The following EPHA6 variants were observed in gnomAD, a reference collection of about 807,000 sequenced individuals.
EPHA6 encodes the protein ephrin type-A receptor 6.
A neutral mutation model predicts 112.0 loss-of-function variants in EPHA6; 50 were observed. That is an observed-to-expected ratio of 0.45 (90% CI 0.36 to 0.56). The LOEUF is 0.56. Among genes scored for constraint, EPHA6 ranks in the 20% least tolerant of loss-of-function variants. EPHA6 has a pLI of 0.00. For missense variants in EPHA6, 1,280 were observed against 1,417.4 expected (o/e 0.90, Z 1.56); for synonymous variants, 529 against 490.7 (o/e 1.08, Z -1.03).
chr3:97,088,010 G>A (rs577248067), intron 3 of EPHA6, among the ~76,000 whole-genome samples: 162 of 151,916 alleles, frequency 1.1e-3, no homozygotes, highest in African/African-American at 3.6e-3. Flanking sequence ...GTAAAACCCC[G>A]TCTCTACTAA....
chr3:97,298,962 A>G (rs1334113945), intron 5 of EPHA6, among the ~76,000 whole-genome samples: 1 of 152,154 alleles, frequency 6.6e-6, no homozygotes, highest in Admixed American at 6.6e-5. Context: ...ACTTGAAAAA[A>G]TCATTGCATT....
chr3:97,635,075 G>C (rs1174384008), intron 13 of EPHA6, among the ~76,000 whole-genome samples: 1 of 151,670 alleles, frequency 6.6e-6, no homozygotes, highest in Admixed American at 6.6e-5. Context: ...TGTACCATTT[G>C]TGCAAATATC....
At chr3:97,085,006 A>C (rs1370587356) in intron 3 of EPHA6, among the ~76,000 whole-genome samples, 1 of 152,180 alleles carries the variant, frequency 6.6e-6, no homozygotes, top group Admixed American at 6.6e-5. Context: ...TACTTTCAGT[A>C]CTTCAAAATT....
intron 14 of EPHA6, among the ~76,000 whole-genome samples, chr3:97,687,811 T>G (rs1484631011): frequency 6.6e-6 from 1 of 152,200 alleles, no homozygotes; most frequent in African/African-American, 2.4e-5. Flanking sequence ...ACTTAAAATG[T>G]CACTTAGGTT....
At chr3:97,344,430 GGA>G (rs1198854231) in intron 5 of EPHA6, among the ~76,000 whole-genome samples, 1 of 152,086 alleles carries the variant, frequency 6.6e-6, no homozygotes, top group Admixed American at 6.6e-5. Flanking sequence ...CCTCCTAATG[GGA>G]TTAGTGCCCT....
At chr3:97,506,996 G>A (rs137893342) in intron 10 of EPHA6, among the ~76,000 whole-genome samples, 5,619 of 152,212 alleles carry the variant, frequency 0.037, 293 homozygotes, top group African/African-American at 0.12. Flanking sequence ...GAATGCTTGT[G>A]ATTTTTGCAC....
intron 11 of EPHA6, among the ~76,000 whole-genome samples, chr3:97,584,189 G>T (rs929082504): frequency 1.3e-5 from 2 of 152,122 alleles, no homozygotes; most frequent in African/African-American, 4.8e-5. Context: ...TTCATATAAA[G>T]ATGATTTTAA....
intron 5 of EPHA6, among the ~76,000 whole-genome samples, chr3:97,332,771 C>T (rs927554640): frequency 6.6e-6 from 1 of 152,112 alleles, no homozygotes; most frequent in Non-Finnish European, 1.5e-5. Flanking sequence ...CACTTAGGCA[C>T]ATCTGTGTGG....
chr3:97,444,275 A>G lies in EPHA6; in HGVS notation c.1732-4293A>G, dbSNP rs180706531. Reference sequence around the variant, plus strand: ...GAGGTGACACCTTTTAGAAATCCCAATAGGCCCAAAGACTTTAGGAGAAAG... The same window carrying G: ...GAGGTGACACCTTTTAGAAATCCCAGTAGGCCCAAAGACTTTAGGAGAAAG... On this transcript the variant is annotated intron_variant, in intron 6 of 17. Transcript: ENST00000389672. Among the ~76,000 whole-genome samples, 377 of 152,246 alleles carry G rather than the reference A, an allele frequency of 2.5e-3. 4 individuals carry two copies. Among genetic ancestry groups the G allele is most frequent in the Admixed American group, 0.012 (177 of 15,280 alleles).
intron 7 of EPHA6, among the ~76,000 whole-genome samples, chr3:97,462,899 C>T (rs955593803): frequency 2.0e-5 from 3 of 152,200 alleles, no homozygotes; most frequent in East Asian, 1.9e-4. Flanking sequence ...ACCTTTGGCA[C>T]GTGCCTCTTT....
intron 3 of EPHA6, among the ~76,000 whole-genome samples, chr3:97,158,747 A>G (rs188491024): frequency 2.0e-5 from 3 of 152,208 alleles, no homozygotes; most frequent in Non-Finnish European, 2.9e-5. Context: ...TGCATTTTAC[A>G]TAAGATAACA....
intron 6 of EPHA6, among the ~76,000 whole-genome samples, chr3:97,405,822 C>A (rs747279702): frequency 3.3e-5 from 5 of 151,952 alleles, no homozygotes; most frequent in Non-Finnish European, 7.4e-5. Context: ...GTTGACAAAT[C>A]CTTATTTATA....
chr3:97,651,532 A>G (rs2094107495), intron 14 of EPHA6, among the ~76,000 whole-genome samples: 1 of 152,074 alleles, frequency 6.6e-6, no homozygotes, highest in African/African-American at 2.4e-5. Context: ...CTTCTAACCT[A>G]AGTGCTAATC....
At chr3:97,273,796 G>T (rs1450054210) in intron 5 of EPHA6, among the ~76,000 whole-genome samples, 1 of 152,154 alleles carries the variant, frequency 6.6e-6, no homozygotes, top group African/African-American at 2.4e-5. Context: ...AAGGAATTAT[G>T]TCTGACAGAA....
At chr3:97,566,830 A>G (rs776093462) in intron 11 of EPHA6, among the ~76,000 whole-genome samples, 14 of 152,132 alleles carry the variant, frequency 9.2e-5, no homozygotes, top group Non-Finnish European at 1.5e-4. Context: ...CTAAACATCT[A>G]CCCTATTCAA....
chr3:97,646,252 C>A (rs746453365), intron 14 of EPHA6: 1 of 1,535,080 alleles, frequency 6.5e-7, no homozygotes, highest in Admixed American at 2.0e-5. Context: ...AACAGAAGGG[C>A]CATGGGAGCC....
intron 4 of EPHA6, among the ~76,000 whole-genome samples, chr3:97,230,666 A>G (rs2078496782): frequency 1.3e-5 from 2 of 152,320 alleles, no homozygotes; most frequent in East Asian, 3.9e-4. Context: ...AAAAGCAAAC[A>G]GTAATTTACT....
intron 7 of EPHA6, among the ~76,000 whole-genome samples, chr3:97,465,967 G>T (rs184031644): frequency 2.5e-3 from 369 of 149,642 alleles, no homozygotes; most frequent in African/African-American, 8.6e-3. Context: ...CTGCCCATTT[G>T]TTTTTTTTTC....
At chr3:97,153,273 G>A (rs910681340) in intron 3 of EPHA6, among the ~76,000 whole-genome samples, 10 of 151,864 alleles carry the variant, frequency 6.6e-5, no homozygotes, top group African/African-American at 2.4e-4. Flanking sequence ...CAAAGTGCTT[G>A]AGAAGCATTA....
Sources: gnomAD v4.1 joint callset for allele counts (sites outside exome capture counted in the v4.1 genomes callset) on GRCh38, gnomAD v4.1.1 for gene constraint, MANE v1.5 for transcripts, NCBI Gene and HGNC (gene_info 2026-07-23, HGNC 2026-07-21) for gene names.